The following TFCP2L1 variants were observed in gnomAD, a reference collection of about 807,000 sequenced individuals.
TFCP2L1 encodes transcription factor CP2 like 1, also known as transcription factor CP2-like protein 1.
Under a neutral mutation model 72.2 loss-of-function variants are expected in TFCP2L1, and 12 were observed. The observed-to-expected ratio is 0.17, with a 90% CI of 0.11 to 0.27. The LOEUF (loss-of-function observed/expected upper bound fraction) is 0.27, where lower values mean the gene tolerates loss of function less well. TFCP2L1 is among the 10% of genes least tolerant of loss of function. TFCP2L1 has a pLI of 1.00. For missense variants in TFCP2L1, 488 were observed against 624.6 expected, an observed-to-expected ratio of 0.78 and a Z score of 2.33; for synonymous variants, 260 against 251.0, an observed-to-expected ratio of 1.04 and a Z score of -0.34.
In TFCP2L1 at chr2:121,264,386, G is replaced by A. The variant is rs2104736394; in HGVS notation, c.215-14739C>T. On this transcript the variant is annotated intron_variant, in intron 2 of 14. Coordinates refer to ENST00000263707, the MANE Select transcript of TFCP2L1 (RefSeq NM_014553.3). ...ACTGCTCCTCTATTCCCAGCCTCTG[G>A]CTGCAGAGTGGAAATGGGGAAGGCG... is the stretch of plus-strand genomic sequence containing the variant. 1.3e-5 allele frequency among the ~76,000 whole-genome samples: 2 copies of A among 152,326 alleles called. 1 individual carries two copies.
At chr2:121,246,033 C>A (rs1218592460) in intron 6 of TFCP2L1, among the ~76,000 whole-genome samples, 2 of 152,242 alleles carry the variant, frequency 1.3e-5, no homozygotes, top group Non-Finnish European at 2.9e-5. Context: ...GCAATTCCTG[C>A]CCAGGAGGTG....
rs1468542953 is a variant in TFCP2L1, at chr2:121,218,803, T to C, written c.*5538A>G. The C allele has an allele frequency of 6.6e-6, 1 of 152,224 alleles. No individual in the cohort carries two copies. Among genetic ancestry groups the C allele is most frequent in the Non-Finnish European group, 1.5e-5 (1 of 68,108 alleles). The allele number at this position is 152,224 out of a possible 1,614,324, so 9.4% of individuals were successfully genotyped here. On this transcript the variant is annotated 3_prime_UTR_variant, in exon 15 of 15. Transcript: ENST00000263707. ...GCACAGCAGTTGCCCTCAGATCTGT[T>C]AGCTGTGACCCATAGATTGGGGGAG...
At position 121,224,271 on chromosome 2, in the gene TFCP2L1, G is replaced by T; in HGVS notation, c.*70C>A. 6.3e-7 allele frequency: 1 copy of T among 1,580,816 alleles called. No individual in the cohort carries two copies. Reference sequence around the variant, plus strand: ...GCCTGGTGAGGCCACAGCTTACAGTGGGGCAATGTCTACATCCACGGGGAT... The same window carrying T: ...GCCTGGTGAGGCCACAGCTTACAGTTGGGCAATGTCTACATCCACGGGGAT... On this transcript the variant is annotated 3_prime_UTR_variant, in exon 15 of 15. Transcript: ENST00000263707.
chr2:121,269,734 C>A (rs1687005810), intron 2 of TFCP2L1, among the ~76,000 whole-genome samples: 1 of 151,892 alleles, frequency 6.6e-6, no homozygotes, highest in East Asian at 1.9e-4. Context: ...CAGGGCAAAA[C>A]CCTGACTCTA....
chr2:121,246,205 C>T lies in TFCP2L1; in HGVS notation c.657+613G>A, dbSNP rs144582777. On this transcript the variant is annotated intron_variant, in intron 6 of 14. Transcript: ENST00000263707. ...CCCTCCACATCTCCCTGAGGCCACACAGGACACTGAGCTCTATCGTTGGCT... is the reference window on the plus strand; with the variant it reads ...CCCTCCACATCTCCCTGAGGCCACATAGGACACTGAGCTCTATCGTTGGCT... 2.0e-4 allele frequency among the ~76,000 whole-genome samples: 31 copies of T among 152,348 alleles called. No individual in the cohort carries two copies. In the East Asian group the frequency reaches 6.0e-3, roughly 29 times the overall value.
intron 2 of TFCP2L1, among the ~76,000 whole-genome samples, chr2:121,278,813 G>A (rs980072394): frequency 6.6e-6 from 1 of 151,948 alleles, no homozygotes; most frequent in African/African-American, 2.4e-5. Flanking sequence ...AGACCAGCCT[G>A]GCCAACATGG....
intron 3 of TFCP2L1, 109 bp from the exon 4 acceptor site, chr2:121,249,196 T>A: frequency 1.3e-6 from 1 of 794,900 alleles, no homozygotes; most frequent in Non-Finnish European, 2.0e-6. Context: ...CCCCTCCCCC[T>A]GGGGCTTCCT....
chr2:121,276,649 A>G (rs966405259), intron 2 of TFCP2L1, among the ~76,000 whole-genome samples: 1 of 151,346 alleles, frequency 6.6e-6, no homozygotes, highest in Admixed American at 6.6e-5. Context: ...AAAAAAAAAA[A>G]GAAAGCCAAC....
intron 1 of TFCP2L1, among the ~76,000 whole-genome samples, chr2:121,284,738 G>C (rs1372436601): frequency 6.6e-6 from 1 of 152,166 alleles, no homozygotes; most frequent in African/African-American, 2.4e-5. Flanking sequence ...GGGGCGGACG[G>C]GCCAGGGGAG....
In TFCP2L1 at chr2:121,249,661, A is replaced by G. The variant is rs1418574972; in HGVS notation, c.215-14T>C. 6.2e-7 allele frequency: 1 copy of G among 1,613,756 alleles called. No homozygotes were observed. Among genetic ancestry groups the G allele is most frequent in the East Asian group, 2.2e-5 (1 of 44,882 alleles). On this transcript the variant is annotated splice_polypyrimidine_tract_variant and intron_variant, in intron 2 of 14. Transcript: ENST00000263707. ...CATAAGACTGACCTGGATGGGGGTTAAAAGGACATTTTCCATTTCTGAGTA... is the reference window on the plus strand; with the variant it reads ...CATAAGACTGACCTGGATGGGGGTTGAAAGGACATTTTCCATTTCTGAGTA...
intron 4 of TFCP2L1, among the ~76,000 whole-genome samples, 189 bp from the exon 5 acceptor site, chr2:121,248,459 C>G (rs541718004): frequency 2.3e-4 from 35 of 152,330 alleles, no homozygotes; most frequent in Non-Finnish European, 4.4e-4. Context: ...GTCTTCACCC[C>G]GTTTTGTATG....
At chr2:121,230,014 C>T (rs979230413) in intron 13 of TFCP2L1, among the ~76,000 whole-genome samples, 1 of 152,182 alleles carries the variant, frequency 6.6e-6, no homozygotes, top group African/African-American at 2.4e-5. Context: ...TGTCCTACCA[C>T]TCCTTTGCTA....
At chr2:121,282,883 T>G (rs904444240) in intron 1 of TFCP2L1, among the ~76,000 whole-genome samples, 2 of 152,206 alleles carry the variant, frequency 1.3e-5, no homozygotes, top group Non-Finnish European at 2.9e-5. Context: ...AAGCCTGGCA[T>G]TGAGCACACA....
At position 121,249,186 on chromosome 2, in the gene TFCP2L1, C is replaced by A. The variant is rs888347258; in HGVS notation, c.292-99G>T. ...ACAGTAAACCCTCCCACCTTTGAGG[C>A]CCCTCCCCCTGGGGCTTCCTTTCCC... On this transcript the variant is annotated intron_variant, in intron 3 of 14. Transcript: ENST00000263707. 10 of 909,022 alleles carry A rather than the reference C, an allele frequency of 1.1e-5. No individual in the cohort carries two copies. The African/African-American group carries it at 1.5e-4, about 14-fold the overall frequency. The allele number at this position is 909,022 out of a possible 1,614,324, so 56.3% of individuals were successfully genotyped here. A position where few individuals can be genotyped will look rare whatever the true frequency, so the allele number is the denominator to read the frequency against.
chr2:121,274,333 A>C (rs1687104574), intron 2 of TFCP2L1, among the ~76,000 whole-genome samples: 1 of 152,158 alleles, frequency 6.6e-6, no homozygotes, highest in Non-Finnish European at 1.5e-5. Flanking sequence ...TAATCCAAAA[A>C]TCCAAAACCT....
chr2:121,235,577 T>TC (rs1156584596), intron 10 of TFCP2L1, among the ~76,000 whole-genome samples: 15 of 63,664 alleles, frequency 2.4e-4, no homozygotes, highest in East Asian at 9.1e-4. Flanking sequence ...TTTCTTTCTT[T>TC]TTTTTTTTTT....
Position 121,271,288 on chromosome 2 carries a change from G to A in TFCP2L1, c.214+9832C>T, listed in dbSNP as rs139225057. Among the ~76,000 whole-genome samples, 4 of 151,960 alleles carry A rather than the reference G, an allele frequency of 2.6e-5. No individual in the cohort carries two copies. In the East Asian group the frequency reaches 5.8e-4, roughly 22 times the overall value. ...TTAAAAAGCAAAAGGTACACGTGGCGAACATATATAAGGTTATATGCATGT... is the reference window on the plus strand; with the variant it reads ...TTAAAAAGCAAAAGGTACACGTGGCAAACATATATAAGGTTATATGCATGT... On this transcript the variant is annotated intron_variant, in intron 2 of 14. Coordinates refer to ENST00000263707, the MANE Select transcript of TFCP2L1 (RefSeq NM_014553.3).
intron 2 of TFCP2L1, among the ~76,000 whole-genome samples, chr2:121,272,485 T>C (rs1687065289): frequency 6.6e-6 from 1 of 152,164 alleles, no homozygotes; most frequent in Non-Finnish European, 1.5e-5. Flanking sequence ...CGTGTGGTTG[T>C]ACAGCGAGTG....
intron 5 of TFCP2L1, among the ~76,000 whole-genome samples, chr2:121,247,745 C>A (rs1686518350): frequency 6.6e-6 from 1 of 152,142 alleles, no homozygotes; most frequent in Admixed American, 6.5e-5. Context: ...GAACCGCAAC[C>A]ACAATGCCAC....
Sources: gnomAD v4.1 joint callset for allele counts (sites outside exome capture counted in the v4.1 genomes callset) on GRCh38, gnomAD v4.1.1 for gene constraint, MANE v1.5 for transcripts, NCBI Gene and HGNC (gene_info 2026-07-23, HGNC 2026-07-21) for gene names.